The following TNS3 variants were observed in gnomAD, a reference collection of about 807,000 sequenced individuals.
TNS3 encodes the protein tensin-3.
A neutral mutation model predicts 140.9 loss-of-function variants in TNS3; 45 were observed. The observed-to-expected ratio is 0.32, with a 90% CI of 0.25 to 0.41. The LOEUF (loss-of-function observed/expected upper bound fraction) is 0.41. TNS3 is among the 10% of genes least tolerant of loss of function. The pLI, the probability that TNS3 is intolerant of heterozygous loss-of-function variation, is 1.00. For synonymous variants in TNS3, 815 were observed against 788.4 expected, an observed-to-expected ratio of 1.03 and a Z score of -0.56; for missense variants, 1,716 against 1,906.7, an observed-to-expected ratio of 0.90 and a Z score of 1.86.
chr7:47,297,107 A>G lies in TNS3; in HGVS notation c.3651T>C (p.Pro1217=), dbSNP rs777003669. 1.9e-6 allele frequency: 3 copies of G among 1,614,152 alleles called. No individual in the cohort carries two copies. Among genetic ancestry groups the G allele is most frequent in the Admixed American group, 1.7e-5 (1 of 60,026 alleles). The stretch of plus-strand genomic sequence containing the variant: ...CTTTCTTGTTCAGCTGCAGGACTGA[A>G]GGTGGGGGCGTGGCCACCTTCATGG... ...GLAMKVATPP[P]SVLQLNKKAG... The change falls in exon 24 of 31, where the codon CCT becomes CCC. Residue 1217 remains proline, a synonymous_variant. Transcript: ENST00000311160.
rs80104470 is a variant in TNS3, at chr7:47,501,299, T to G, written c.-115+5608A>C. Among the ~76,000 whole-genome samples the G allele has an allele frequency of 7.2e-5, 11 of 152,072 alleles. No homozygotes were observed. The East Asian group carries it at 2.1e-3, about 29-fold the overall frequency. The stretch of plus-strand genomic sequence containing the variant: ...TCATTCATTCCTAGTGAAGACCATA[T>G]GAAGAAAGGCCACTACTTACACCTT... On this transcript the variant is annotated intron_variant, in intron 3 of 30. Coordinates refer to ENST00000311160, the MANE Select transcript of TNS3 (RefSeq NM_022748.12).
intron 20 of TNS3, among the ~76,000 whole-genome samples, chr7:47,336,907 C>T (rs2150950172): frequency 6.6e-6 from 1 of 152,298 alleles, no homozygotes; most frequent in African/African-American, 2.4e-5. Context: ...CAAACCTTAG[C>T]CAGGCTCCTC....
chr7:47,574,657 A>G (rs1193867354), intron 1 of TNS3, among the ~76,000 whole-genome samples: 4 of 151,904 alleles, frequency 2.6e-5, no homozygotes, highest in Admixed American at 2.6e-4. Flanking sequence ...ACCCCCACAC[A>G]CACGGTATTA....
rs560217726 is a variant in TNS3, at chr7:47,470,619, G to A, written c.-76+10484C>T. 419 of 985,410 alleles carry A rather than the reference G, an allele frequency of 4.3e-4. 9 individuals are homozygous for A. In the South Asian group the frequency reaches 0.018, roughly 42 times the overall value. 61.0% of individuals were successfully genotyped at this position (985,410 alleles called of 1,614,324 possible). On this transcript the variant is annotated intron_variant, in intron 4 of 30. Coordinates refer to ENST00000311160, the MANE Select transcript of TNS3 (RefSeq NM_022748.12). ...GTCACTTTAGGAAGAGATCCCCAGC[G>A]CAGAGAAATGCAGCAACCCTGAACC...
intron 4 of TNS3, among the ~76,000 whole-genome samples, chr7:47,465,780 C>G (rs144239007): frequency 6.6e-6 from 1 of 151,726 alleles, no homozygotes; most frequent in Non-Finnish European, 1.5e-5. Context: ...CAAAATTAGC[C>G]GGGCGTGGTG....
Position 47,303,252 on chromosome 7 carries a change from C to A in TNS3, c.3155G>T (p.Ser1052Ile), listed in dbSNP as rs895350495. Reference protein sequence around the residue: ...ANSHGASPTPSIPLTATGAAD... With the variant: ...ANSHGASPTPIIPLTATGAAD... The stretch of plus-strand genomic sequence containing the variant: ...AGCCCCTGTCGCTGTCAGCGGGATG[C>A]TGGGGGTCGGTGACGCTCCATGAGA... Residue 1052 changes from serine (S) to isoleucine (I), a missense_variant, in exon 22 of 31, where the codon AGC becomes ATC. Ser to Ile is a moderately radical substitution (Grantham distance 142). This residue lies in a region of TNS3 where 1,163 missense variants were observed against 1,182.1 expected (regional missense o/e 0.98). Transcript: ENST00000311160. 17 of 1,613,626 alleles carry A rather than the reference C, an allele frequency of 1.1e-5. No homozygotes were observed. The highest frequency in any genetic ancestry group is 1.6e-4 in the Middle Eastern group (1 of 6,084).
chr7:47,429,811 T>G (rs55732908), intron 8 of TNS3, among the ~76,000 whole-genome samples: 5 of 152,348 alleles, frequency 3.3e-5, no homozygotes, highest in Non-Finnish European at 5.9e-5. Context: ...ACAATTCTGA[T>G]AAGCCCAGTC....
At chr7:47,328,884 C>A (rs1444754667) in intron 20 of TNS3, among the ~76,000 whole-genome samples, 2 of 152,354 alleles carry the variant, frequency 1.3e-5, no homozygotes, top group East Asian at 1.9e-4. Flanking sequence ...TTCTGCCTGG[C>A]TGGCACCTAC....
intron 18 of TNS3, 121 bp downstream of exon 18, chr7:47,346,066 C>T (rs1382457395): frequency 8.5e-6 from 11 of 1,296,186 alleles, no homozygotes; most frequent in African/African-American, 2.9e-5. Flanking sequence ...AAGGTGGGTG[C>T]GGAGGATAAT....
intron 4 of TNS3, among the ~76,000 whole-genome samples, chr7:47,457,023 A>T (rs1796273450): frequency 6.7e-6 from 1 of 149,966 alleles, no homozygotes; most frequent in Non-Finnish European, 1.5e-5. Context: ...TAAGAAAATG[A>T]TAATCTCTCT....
intron 1 of TNS3, among the ~76,000 whole-genome samples, chr7:47,549,847 AC>A (rs1303413807): frequency 1.3e-5 from 2 of 152,198 alleles, no homozygotes; most frequent in African/African-American, 4.8e-5. Context: ...GGGCCCTGGC[AC>A]ACAGACCACC....
intron 4 of TNS3, among the ~76,000 whole-genome samples, chr7:47,446,705 T>TTTTTTTTTG: frequency 8.5e-6 from 1 of 117,560 alleles, no homozygotes; most frequent in African/African-American, 2.9e-5. Flanking sequence ...TTTTTTTTTT[T>TTTTTTTTTG]TTTTTTTTGA....
intron 4 of TNS3, among the ~76,000 whole-genome samples, chr7:47,474,117 A>AACACACACACACAC (rs35049083): frequency 2.6e-3 from 377 of 145,414 alleles, no homozygotes; most frequent in South Asian, 3.4e-3. Context: ...AGCAAGTCTC[A>AACACACACACACAC]ACACACACAC....
intron 1 of TNS3, among the ~76,000 whole-genome samples, chr7:47,530,994 T>C (rs1358850927): frequency 2.7e-5 from 4 of 150,878 alleles, no homozygotes; most frequent in Non-Finnish European, 4.4e-5. Flanking sequence ...AACCAACCAA[T>C]AGGATAACAG....
intron 20 of TNS3, among the ~76,000 whole-genome samples, chr7:47,336,782 T>A (rs996678202): frequency 2.0e-5 from 3 of 152,182 alleles, no homozygotes; most frequent in Admixed American, 2.0e-4. Flanking sequence ...AATTATAAAC[T>A]AAGTGCCCAA....
chr7:47,389,154 A>AAGAAGAAGAAGAAGAAGAGGC (rs1340201271), intron 16 of TNS3, among the ~76,000 whole-genome samples: 1 of 82,294 alleles, frequency 1.2e-5, no homozygotes, highest in African/African-American at 4.2e-5. Flanking sequence ...GAAGAAGAAG[A>AAGAAGAAGAAGAAGAAGAGGC]AGCAGAAGAA....
At chr7:47,458,793 G>A (rs754561221) in intron 4 of TNS3, among the ~76,000 whole-genome samples, 1 of 152,246 alleles carries the variant, frequency 6.6e-6, no homozygotes, top group Admixed American at 6.5e-5. Context: ...CACTGCCCTT[G>A]AGAGGCTAGC....
At chr7:47,309,829 T>C (rs1786981962) in intron 20 of TNS3, among the ~76,000 whole-genome samples, 1 of 152,254 alleles carries the variant, frequency 6.6e-6, no homozygotes, top group Admixed American at 6.5e-5. Flanking sequence ...AGAGAGCATG[T>C]TAATTTTCAG....
rs1790922857 is a variant in TNS3 at position 47,369,447 on chromosome 7, G to A, written c.1199C>T (p.Ala400Val). Residue 400 changes from alanine (A) to valine (V), a missense_variant, in exon 17 of 31, where the codon GCC becomes GTC. Physicochemically the swap from Ala to Val is moderately conservative, Grantham distance 64. Around this residue, in one of 3 missense-constraint regions of TNS3, gnomAD observed 1,163 missense variants for 1,182.1 expected, o/e 0.98. Coordinates refer to ENST00000311160, the MANE Select transcript of TNS3 (RefSeq NM_022748.12). ...SSDSGHSTAS[A>V]RTDKTEERLA... ...GCGCTCTTCCGTCTTATCCGTCCTG[G>A]CAGAGGCTGTAGAGTGGCCGGAGTC... The A allele has an allele frequency of 6.2e-7, 1 of 1,614,168 alleles. No homozygotes were observed. The highest frequency in any genetic ancestry group is 1.6e-4 in the Middle Eastern group (1 of 6,062).
Sources: allele counts gnomAD v4.1 joint callset (sites outside exome capture counted in the v4.1 genomes callset), GRCh38; gene constraint gnomAD v4.1.1; regional missense constraint gnomAD v4.1.1; transcripts MANE v1.5; gene names NCBI Gene and HGNC (gene_info 2026-07-23, HGNC 2026-07-21).